The following RORB variants were observed in gnomAD, a reference collection of about 807,000 sequenced individuals.
RORB encodes RAR related orphan receptor B.
In RORB, 6 loss-of-function variants were observed where a neutral mutation model predicts 59.1. The observed-to-expected ratio is 0.10, with a 90% CI of 0.06 to 0.20. The LOEUF (loss-of-function observed/expected upper bound fraction) is 0.20. RORB is among the 10% of genes least tolerant of loss of function. The pLI is 1.00. For synonymous variants in RORB, 215 were observed against 204.5 expected, an observed-to-expected ratio of 1.05 and a Z score of -0.44; for missense variants, 320 against 560.5, an observed-to-expected ratio of 0.57 and a Z score of 4.33.
At chr9:74,609,000 A>C (rs1477764095) in intron 1 of RORB, among the ~76,000 whole-genome samples, 1 of 152,240 alleles carries the variant, frequency 6.6e-6, no homozygotes, top group East Asian at 1.9e-4. Flanking sequence ...CTTATTCATC[A>C]ATTCAGATAA....
chr9:74,577,766 C>T (rs900665997), intron 1 of RORB, among the ~76,000 whole-genome samples: 6 of 152,050 alleles, frequency 3.9e-5, no homozygotes, highest in African/African-American at 1.2e-4. Context: ...AAAACATTGG[C>T]TCTGTAGGTT....
At chr9:74,670,437 C>T (rs1294997433) in intron 8 of RORB, among the ~76,000 whole-genome samples, 1 of 152,158 alleles carries the variant, frequency 6.6e-6, no homozygotes, top group African/African-American at 2.4e-5. Flanking sequence ...ATGATCACCT[C>T]AGAAGAAAAG....
chr9:74,613,145 G>T (rs1415795678), intron 1 of RORB, among the ~76,000 whole-genome samples: 2 of 152,172 alleles, frequency 1.3e-5, no homozygotes, highest in East Asian at 3.9e-4. Flanking sequence ...ACAAAGGCAT[G>T]AAGATTCATA....
intron 1 of RORB, among the ~76,000 whole-genome samples, chr9:74,623,644 G>C (rs1310438582): frequency 6.6e-6 from 1 of 152,066 alleles, no homozygotes; most frequent in African/African-American, 2.4e-5. Flanking sequence ...CTAGCCTCAG[G>C]ATCTCATTCT....
At chr9:74,534,163 G>A (rs943324275) in intron 1 of RORB, among the ~76,000 whole-genome samples, 1 of 151,836 alleles carries the variant, frequency 6.6e-6, no homozygotes, top group Non-Finnish European at 1.5e-5. Flanking sequence ...GTTCATATAC[G>A]GATAAAAATA....
chr9:74,554,828 A>G (rs1489056331), intron 1 of RORB, among the ~76,000 whole-genome samples: 1 of 152,176 alleles, frequency 6.6e-6, no homozygotes, highest in Admixed American at 6.5e-5. Flanking sequence ...TTCAGTCCCC[A>G]CTAAAAAGAT....
At chr9:74,663,669 C>T (rs1163283926) in intron 6 of RORB, among the ~76,000 whole-genome samples, 10 of 152,126 alleles carry the variant, frequency 6.6e-5, no homozygotes, top group Admixed American at 6.5e-4. Context: ...ATGTGGTATT[C>T]ACTGAGTCAG....
chr9:74,558,912 T>C (rs373286937), intron 1 of RORB, among the ~76,000 whole-genome samples: 10 of 152,328 alleles, frequency 6.6e-5, no homozygotes, highest in Non-Finnish European at 1.5e-4. Context: ...GAGTGCTATA[T>C]TAAATATCCC....
At chr9:74,551,669 A>G (rs1826611019) in intron 1 of RORB, among the ~76,000 whole-genome samples, 1 of 152,232 alleles carries the variant, frequency 6.6e-6, no homozygotes, top group Non-Finnish European at 1.5e-5. Context: ...CAAGTTATAC[A>G]ATATAATTAG....
intron 1 of RORB, among the ~76,000 whole-genome samples, chr9:74,609,733 A>G (rs1823205865): frequency 6.6e-6 from 1 of 152,218 alleles, no homozygotes; most frequent in Non-Finnish European, 1.5e-5. Flanking sequence ...GGATTGAGTA[A>G]CTTGCACTAA....
intron 1 of RORB, among the ~76,000 whole-genome samples, chr9:74,595,376 A>G (rs980057824): frequency 6.6e-6 from 1 of 152,222 alleles, no homozygotes; most frequent in Non-Finnish European, 1.5e-5. Context: ...ACTCCTGACC[A>G]TGCCCTTTCT....
At position 74,687,270 on chromosome 9, in the gene RORB, T is replaced by G. The variant is rs1824663294; in HGVS notation, c.*1652T>G. 6.6e-6 allele frequency: 1 copy of G among 151,978 alleles called. No homozygotes were observed. The highest frequency in any genetic ancestry group is 2.4e-5 in the African/African-American group (1 of 41,422). 9.4% of individuals were successfully genotyped at this position (151,978 alleles called of 1,614,324 possible). ...TAAGTATATCCCAGCCACCAACTCC[T>G]AAAGAACTGCCCTTTTCTCCATATT... On this transcript the variant is annotated 3_prime_UTR_variant, in exon 10 of 10. Transcript: ENST00000376896.
chr9:74,524,731 C>G (rs534709708), intron 1 of RORB, among the ~76,000 whole-genome samples: 38 of 151,448 alleles, frequency 2.5e-4, no homozygotes, highest in African/African-American at 8.9e-4. Flanking sequence ...AAGCCACATT[C>G]AAAAAATTAT....
At chr9:74,522,888 CA>C (rs1826102967) in intron 1 of RORB, among the ~76,000 whole-genome samples, 1 of 151,782 alleles carries the variant, frequency 6.6e-6, no homozygotes, top group Non-Finnish European at 1.5e-5. Flanking sequence ...ATGTAAAATG[CA>C]TGTGAGCACC....
chr9:74,643,730 G>A (rs561281352), intron 4 of RORB, among the ~76,000 whole-genome samples: 42 of 152,304 alleles, frequency 2.8e-4, no homozygotes, highest in African/African-American at 1.0e-3. Context: ...TTAGTGTACT[G>A]GAGAAAGCAG....
intron 1 of RORB, among the ~76,000 whole-genome samples, chr9:74,585,798 A>ATTTT: frequency 6.6e-6 from 1 of 150,776 alleles, no homozygotes; most frequent in African/African-American, 2.4e-5. Flanking sequence ...TTATTTATTT[A>ATTTT]TTTATTTATT....
intron 9 of RORB, among the ~76,000 whole-genome samples, chr9:74,672,701 T>C (rs574105925): frequency 1.1e-4 from 16 of 152,338 alleles, no homozygotes; most frequent in African/African-American, 3.8e-4. Context: ...TATCTTAAAG[T>C]ATCTTTGATT....
At chr9:74,648,680 C>T (rs544608744) in intron 4 of RORB, among the ~76,000 whole-genome samples, 4 of 152,078 alleles carry the variant, frequency 2.6e-5, no homozygotes, top group Admixed American at 2.0e-4. Context: ...AAATCAGAAC[C>T]GTGCACTAGC....
chr9:74,551,194 G>A (rs1379919128), intron 1 of RORB, among the ~76,000 whole-genome samples: 1 of 152,150 alleles, frequency 6.6e-6, no homozygotes, highest in African/African-American at 2.4e-5. Flanking sequence ...AAGACCATCA[G>A]TGGATTTCTG....
Sources: allele counts gnomAD v4.1 joint callset (sites outside exome capture counted in the v4.1 genomes callset), GRCh38; gene constraint gnomAD v4.1.1; transcripts MANE v1.5; gene names NCBI Gene and HGNC (gene_info 2026-07-23, HGNC 2026-07-21).